Variants in LRRC4C observed in about 807,000 individuals in gnomAD.
LRRC4C encodes leucine-rich repeat-containing protein 4C.
In LRRC4C, 5 loss-of-function variants were observed where a neutral mutation model predicts 33.6. That is an observed-to-expected ratio of 0.15 (90% CI 0.08 to 0.31). LRRC4C has a LOEUF of 0.31. Among genes scored for constraint, LRRC4C ranks in the 10% least tolerant of loss-of-function variants. The pLI is 1.00. For missense variants in LRRC4C, 560 were observed against 796.7 expected (o/e 0.70, Z 3.58); for synonymous variants, 329 against 302.0 (o/e 1.09, Z -0.93).
At chr11:40,763,149 T>C (rs1949305226) in intron 2 of LRRC4C, among the ~76,000 whole-genome samples, 1 of 107,802 alleles carries the variant, frequency 9.3e-6, no homozygotes, top group Admixed American at 9.3e-5. Context: ...TTTTTTAGTT[T>C]AAAGTTGTGT....
At chr11:40,610,432 A>C (rs147648328) in intron 3 of LRRC4C, among the ~76,000 whole-genome samples, 14 of 151,970 alleles carry the variant, frequency 9.2e-5, no homozygotes, top group African/African-American at 3.4e-4. Flanking sequence ...TATGAGGTGA[A>C]AGAAGGAAAG....
In LRRC4C at chr11:40,578,128, C is replaced by CT. The variant is rs72138903; in HGVS notation, c.-270+70013dup. Reference sequence around the variant, plus strand: ...GGATTACAGGCGTGATATTATTGGACTTTTTTTTTTCGGTTTTTTTTTTTT... The same window carrying CT: ...GGATTACAGGCGTGATATTATTGGACTTTTTTTTTTTCGGTTTTTTTTTTTT... On this transcript the variant is annotated intron_variant, in intron 3 of 6. Transcript: ENST00000528697. Among the ~76,000 whole-genome samples the CT allele has an allele frequency of 3.5e-4, 10 of 28,302 alleles. 3 individuals are homozygous for CT. Among genetic ancestry groups the CT allele is most frequent in the Non-Finnish European group, 4.1e-4 (6 of 14,774 alleles). 18.6% of individuals were successfully genotyped at this position (28,302 alleles called of 152,430 possible). A position where few individuals can be genotyped will look rare whatever the true frequency, so the allele number is the denominator to read the frequency against.
intron 1 of LRRC4C, among the ~76,000 whole-genome samples, chr11:41,186,036 T>C (rs557802444): frequency 6.6e-6 from 1 of 152,002 alleles, no homozygotes; most frequent in East Asian, 1.9e-4. Context: ...AATAAACACA[T>C]AGAAAAAATG....
At chr11:40,985,281 T>C (rs61887576) in intron 1 of LRRC4C, among the ~76,000 whole-genome samples, 4,277 of 152,264 alleles carry the variant, frequency 0.028, 54 homozygotes, top group Middle Eastern at 0.045. Flanking sequence ...TACACAGTTA[T>C]GAGTCTATGG....
intron 1 of LRRC4C, among the ~76,000 whole-genome samples, chr11:40,940,106 GTTACT>G (rs1958077081): frequency 6.6e-6 from 1 of 152,056 alleles, no homozygotes; most frequent in African/African-American, 2.4e-5. Flanking sequence ...AATACCTGCT[GTTACT>G]TTAATCTCAC....
At chr11:41,311,216 A>C (rs929377624) in intron 1 of LRRC4C, among the ~76,000 whole-genome samples, 1 of 152,120 alleles carries the variant, frequency 6.6e-6, no homozygotes, top group Non-Finnish European at 1.5e-5. Context: ...TTCATTTTGG[A>C]CAGTAGTTCT....
chr11:41,134,757 A>G (rs775588988), intron 1 of LRRC4C, among the ~76,000 whole-genome samples: 4 of 152,160 alleles, frequency 2.6e-5, no homozygotes, highest in African/African-American at 4.8e-5. Flanking sequence ...TACATGTCCA[A>G]TGACTTCATT....
chr11:40,545,887 G>C (rs1956892940), intron 3 of LRRC4C, among the ~76,000 whole-genome samples: 2 of 151,974 alleles, frequency 1.3e-5, no homozygotes, highest in Non-Finnish European at 2.9e-5. Flanking sequence ...AGAGCAACTT[G>C]TCATTACGTT....
At chr11:40,647,051 T>C (rs1942511225) in intron 3 of LRRC4C, among the ~76,000 whole-genome samples, 2 of 152,208 alleles carry the variant, frequency 1.3e-5, no homozygotes, top group Non-Finnish European at 2.9e-5. Flanking sequence ...AAGTGATATC[T>C]CTGAAGATAG....
intron 2 of LRRC4C, among the ~76,000 whole-genome samples, chr11:40,728,152 T>A (rs1197729652): frequency 6.6e-6 from 1 of 151,706 alleles, no homozygotes; most frequent in Non-Finnish European, 1.5e-5. Context: ...AAATAACTGA[T>A]GTTGGCAAGG....
At chr11:40,249,492 T>C (rs945549840) in intron 4 of LRRC4C, among the ~76,000 whole-genome samples, 1 of 151,578 alleles carries the variant, frequency 6.6e-6, no homozygotes, top group Admixed American at 6.6e-5. Flanking sequence ...TCAAAGGTAA[T>C]GAGATCAAAA....
chr11:40,937,766 C>A (rs771327307), intron 1 of LRRC4C, among the ~76,000 whole-genome samples: 1 of 151,956 alleles, frequency 6.6e-6, no homozygotes, highest in African/African-American at 2.4e-5. Flanking sequence ...CCTCAGCCTG[C>A]CGAGTAGCTG....
At chr11:41,376,794 T>A (rs1952951579) in intron 1 of LRRC4C, among the ~76,000 whole-genome samples, 1 of 152,074 alleles carries the variant, frequency 6.6e-6, no homozygotes, top group South Asian at 2.1e-4. Flanking sequence ...GTAATAGAGT[T>A]ACAGGTGATT....
intron 2 of LRRC4C, among the ~76,000 whole-genome samples, chr11:40,685,824 G>C (rs941264697): frequency 1.3e-5 from 2 of 151,638 alleles, no homozygotes; most frequent in Admixed American, 1.3e-4. Flanking sequence ...TACAAACACA[G>C]AGAGAGAGAG....
intron 1 of LRRC4C, among the ~76,000 whole-genome samples, chr11:41,220,951 A>ATT (rs1238285578): frequency 1.3e-5 from 2 of 152,152 alleles, no homozygotes; most frequent in African/African-American, 4.8e-5. Context: ...ATTACTGATG[A>ATT]TTTCTCTTGG....
chr11:40,795,679 T>C (rs1950795482), intron 2 of LRRC4C, among the ~76,000 whole-genome samples: 2 of 152,208 alleles, frequency 1.3e-5, no homozygotes, highest in African/African-American at 4.8e-5. Flanking sequence ...TGTCCTCTTA[T>C]AAAACAAGCT....
intron 1 of LRRC4C, among the ~76,000 whole-genome samples, chr11:41,275,149 G>A (rs1208017820): frequency 2.0e-5 from 3 of 152,120 alleles, no homozygotes; most frequent in Non-Finnish European, 2.9e-5. Context: ...TGTAAGCTTC[G>A]TGAGGCCTTA....
At position 41,174,770 on chromosome 11, in the gene LRRC4C, C is replaced by T. The variant is rs887661418; in HGVS notation, c.-495-241047G>A. On this transcript the variant is annotated intron_variant, in intron 1 of 6. Transcript: ENST00000528697. Reference sequence around the variant, plus strand: ...CTTTGGCTCAGAACTCTTTCTTGAGCCCTAATTTGTTTTTTTTAAAAAAAC... The same window carrying T: ...CTTTGGCTCAGAACTCTTTCTTGAGTCCTAATTTGTTTTTTTTAAAAAAAC... 2.6e-5 allele frequency among the ~76,000 whole-genome samples: 4 copies of T among 151,822 alleles called. No individual in the cohort carries two copies. In the South Asian group the frequency reaches 8.3e-4, roughly 32 times the overall value.
chr11:41,358,685 A>T (rs1385357438), intron 1 of LRRC4C, among the ~76,000 whole-genome samples: 3 of 152,176 alleles, frequency 2.0e-5, no homozygotes. Flanking sequence ...ATGAGATATA[A>T]CTGCTCACTT....
Sources: allele counts gnomAD v4.1 joint callset (sites outside exome capture counted in the v4.1 genomes callset), GRCh38; gene constraint gnomAD v4.1.1; transcripts MANE v1.5; gene names NCBI Gene and HGNC (gene_info 2026-07-23, HGNC 2026-07-21).